TNFRSF10B: variants seen among roughly 807,000 people sequenced by gnomAD.
TNFRSF10B encodes TNF receptor superfamily member 10b.
A neutral mutation model predicts 41.4 loss-of-function variants in TNFRSF10B; 35 were observed. The observed-to-expected ratio is 0.85, with a 90% CI of 0.65 to 1.12. TNFRSF10B has a LOEUF of 1.12. TNFRSF10B is among the 50% of genes most tolerant of loss of function. The probability of loss-of-function intolerance (pLI) is 0.00; values close to 1 mark genes in which losing one functional copy is unlikely to be tolerated. For synonymous variants in TNFRSF10B, 230 were observed against 215.5 expected, an observed-to-expected ratio of 1.07 and a Z score of -0.59; for missense variants, 584 against 552.7, an observed-to-expected ratio of 1.06 and a Z score of -0.57.
Position 23,022,889 on chromosome 8 carries a change from T to G in TNFRSF10B, c.1105A>C (p.Lys369Gln). Residue 369 changes from lysine to glutamine, a missense_variant, in exon 9 of 9, where the codon AAG becomes CAG. Transcript: ENST00000276431. ...CCCGCTGCCTCAGCTTTAGCCACCT[T>G]TATCTCATTGTCCATGAGGCCCAAC... Reference protein sequence around the residue: ...RKLGLMDNEIKVAKAEAAGHR... With the variant: ...RKLGLMDNEIQVAKAEAAGHR... 1 of 1,613,974 alleles carries G rather than the reference T, an allele frequency of 6.2e-7. No homozygotes were observed. The highest frequency in any genetic ancestry group is 1.1e-5 in the South Asian group (1 of 91,066).
chr8:23,045,060 CAAA>C (rs35953846), intron 1 of TNFRSF10B, among the ~76,000 whole-genome samples: 1 of 38,808 alleles, frequency 2.6e-5, no homozygotes, highest in African/African-American at 1.1e-4. Flanking sequence ...TAATAAAATA[CAAA>C]AAAAAAAAAA....
intron 2 of TNFRSF10B, among the ~76,000 whole-genome samples, chr8:23,038,755 C>G (rs1180723624): frequency 1.3e-5 from 2 of 151,950 alleles, no homozygotes; most frequent in African/African-American, 4.8e-5. Flanking sequence ...ACTTGGAGAT[C>G]AAGTATGGTT....
Position 23,028,431 on chromosome 8 carries a change from T to C in TNFRSF10B, c.648A>G (p.Ile216Met), listed in dbSNP as rs1585207425. ...AGACTACGGCTGCAACTGTGACTCC[T>C]ATGATGATGCCTGAGAGAGAACAGG... ...ASPCSLSGII[I>M]GVTVAAVVLI... The change falls in exon 5 of 9, where the codon ATA becomes ATG. Residue 216 changes from isoleucine (I) to methionine (M), a missense_variant. Transcript: ENST00000276431. 6 of 1,614,172 alleles carry C rather than the reference T, an allele frequency of 3.7e-6. No individual in the cohort carries two copies. The highest frequency in any genetic ancestry group is 1.1e-5 in the South Asian group (1 of 91,086).
At chr8:23,061,595 T>C (rs984055469) in intron 1 of TNFRSF10B, among the ~76,000 whole-genome samples, 2 of 152,210 alleles carry the variant, frequency 1.3e-5, no homozygotes, top group African/African-American at 4.8e-5. Flanking sequence ...GGTGGGTAGA[T>C]ATCCTTATGT....
intron 2 of TNFRSF10B, among the ~76,000 whole-genome samples, chr8:23,031,081 A>AT (rs1327684137): frequency 1.3e-5 from 2 of 152,120 alleles, no homozygotes; most frequent in East Asian, 3.8e-4. Flanking sequence ...TATTTATTTT[A>AT]TTTTTTATTT....
At chr8:23,040,351 AC>A (rs1812147453) in intron 2 of TNFRSF10B, among the ~76,000 whole-genome samples, 2 of 42,370 alleles carry the variant, frequency 4.7e-5, no homozygotes, top group African/African-American at 8.0e-5. Context: ...TTAAATATAT[AC>A]AAAATATATA....
chr8:23,064,012 A>G (rs915768138), intron 1 of TNFRSF10B, among the ~76,000 whole-genome samples: 1 of 152,228 alleles, frequency 6.6e-6, no homozygotes, highest in Non-Finnish European at 1.5e-5. Context: ...TCATTCATGG[A>G]AGGCATGTAG....
intron 1 of TNFRSF10B, among the ~76,000 whole-genome samples, chr8:23,053,921 A>G (rs1166804836): frequency 2.0e-5 from 3 of 152,164 alleles, no homozygotes; most frequent in Non-Finnish European, 2.9e-5. Flanking sequence ...TATAATTCTG[A>G]TATATCTTAG....
chr8:23,042,144 T>TG (rs1327191940), intron 2 of TNFRSF10B, among the ~76,000 whole-genome samples: 1 of 152,230 alleles, frequency 6.6e-6, no homozygotes, highest in African/African-American at 2.4e-5. Flanking sequence ...TCCTGCTTCC[T>TG]GGTCTTGACC....
At chr8:23,043,590 A>ATTCTCTCT (rs547830156) in intron 1 of TNFRSF10B, among the ~76,000 whole-genome samples, 1 of 152,176 alleles carries the variant, frequency 6.6e-6, no homozygotes, top group Non-Finnish European at 1.5e-5. Flanking sequence ...AGGTATGCCT[A>ATTCTCTCT]TTCTCTCTTT....
At chr8:23,045,413 T>C (rs1221052779) in intron 1 of TNFRSF10B, among the ~76,000 whole-genome samples, 1 of 152,098 alleles carries the variant, frequency 6.6e-6, no homozygotes, top group Non-Finnish European at 1.5e-5. Context: ...AACAGACCAA[T>C]AATGATTAAG....
chr8:23,031,842 A>AT (rs1469428044), intron 2 of TNFRSF10B, among the ~76,000 whole-genome samples: 1 of 151,806 alleles, frequency 6.6e-6, no homozygotes, highest in Non-Finnish European at 1.5e-5. Context: ...ATTTTACAGC[A>AT]TTTTTTTCAC....
At chr8:23,063,125 A>AT (rs1297690667) in intron 1 of TNFRSF10B, among the ~76,000 whole-genome samples, 1 of 152,072 alleles carries the variant, frequency 6.6e-6, no homozygotes, top group African/African-American at 2.4e-5. Flanking sequence ...AAGGCGGTGG[A>AT]TCTCCTGAGG....
chr8:23,066,691 A>G (rs1285227335), intron 1 of TNFRSF10B, among the ~76,000 whole-genome samples: 1 of 151,722 alleles, frequency 6.6e-6, no homozygotes, highest in Non-Finnish European at 1.5e-5. Context: ...GCAGATCACG[A>G]GCCAGACCAT....
intron 2 of TNFRSF10B, among the ~76,000 whole-genome samples, chr8:23,031,476 C>G (rs959773440): frequency 1.3e-5 from 2 of 152,044 alleles, no homozygotes; most frequent in African/African-American, 4.8e-5. Context: ...TCACTGCACC[C>G]TCGACCTCCC....
chr8:23,027,614 A>T, intron 6 of TNFRSF10B, 108 bp downstream of exon 6: 3 of 1,498,546 alleles, frequency 2.0e-6, no homozygotes, highest in Non-Finnish European at 1.8e-6. Flanking sequence ...CACTTCAGAG[A>T]GTCAGGGCAG....
intron 1 of TNFRSF10B, chr8:23,050,071 G>C (rs917596621): frequency 1.3e-5 from 2 of 152,260 alleles, no homozygotes; most frequent in African/African-American, 4.8e-5. Flanking sequence ...GAGATAAGGA[G>C]CGGACGTGCT....
rs894423884 is a variant in TNFRSF10B, at chr8:23,021,449, C to T, written c.*1222G>A. ...ATTCTCAAGCACCATCTACTCTTCCCCCTTGATGCCATGGCAGACGTGGGA... is the reference window on the plus strand; with the variant it reads ...ATTCTCAAGCACCATCTACTCTTCCTCCTTGATGCCATGGCAGACGTGGGA... On this transcript the variant is annotated 3_prime_UTR_variant, in exon 9 of 9. Coordinates refer to ENST00000276431, the MANE Select transcript of TNFRSF10B (RefSeq NM_003842.5). 2.2e-6 allele frequency: 1 copy of T among 454,012 alleles called. No individual in the cohort carries two copies. Among genetic ancestry groups the T allele is most frequent in the African/African-American group, 2.0e-5 (1 of 49,996 alleles). The allele number at this position is 454,012 out of a possible 1,614,324, so 28.1% of individuals were successfully genotyped here.
At chr8:23,051,576 G>A (rs528372536) in intron 1 of TNFRSF10B, among the ~76,000 whole-genome samples, 13 of 147,352 alleles carry the variant, frequency 8.8e-5, no homozygotes, top group African/African-American at 2.0e-4. Context: ...ATGGAGTCTC[G>A]CTCTGTCGCC....
Sources: gnomAD v4.1 joint callset for allele counts (sites outside exome capture counted in the v4.1 genomes callset) on GRCh38, gnomAD v4.1.1 for gene constraint, MANE v1.5 for transcripts, NCBI Gene and HGNC (gene_info 2026-07-23, HGNC 2026-07-21) for gene names.